The following SYNPR variants were observed in gnomAD, a reference collection of about 807,000 sequenced individuals.
SYNPR encodes synaptoporin.
SYNPR carries 23 observed loss-of-function variants against 32.9 expected under a neutral mutation model. The observed-to-expected ratio is 0.70, with a 90% CI of 0.50 to 0.99. The LOEUF (loss-of-function observed/expected upper bound fraction) is 0.99, where lower values mean the gene tolerates loss of function less well. Ranked by LOEUF, SYNPR falls within the 50% of genes least tolerant of loss-of-function variation. SYNPR has a pLI of 0.00. For missense variants in SYNPR, 318 were observed against 349.3 expected (o/e 0.91, Z 0.71); for synonymous variants, 146 against 135.9 (o/e 1.07, Z -0.52).
At chr3:63,528,501 T>C (rs1273305212) in intron 3 of SYNPR, among the ~76,000 whole-genome samples, 1 of 152,140 alleles carries the variant, frequency 6.6e-6, no homozygotes, top group African/African-American at 2.4e-5. Flanking sequence ...AATGTCACCC[T>C]GAAACTGCAA....
intron 2 of SYNPR, among the ~76,000 whole-genome samples, chr3:63,406,329 G>C (rs2088359331): frequency 6.6e-6 from 1 of 152,038 alleles, no homozygotes; most frequent in Non-Finnish European, 1.5e-5. Flanking sequence ...ATGTAAAAAA[G>C]AAGGAAGAAA....
At chr3:63,375,423 G>A (rs2087875080) in intron 2 of SYNPR, among the ~76,000 whole-genome samples, 1 of 152,086 alleles carries the variant, frequency 6.6e-6, no homozygotes, top group Non-Finnish European at 1.5e-5. Context: ...CCTTTGCAGG[G>A]ACATGGACGA....
rs1218661362 is a variant in SYNPR, at chr3:63,422,234, A to G, written c.85-58598A>G. ...GATGTAAATAAGGCAGTCTCATTTTATCAGTGTTCTTAACTACTTTCTACA... is the reference window on the plus strand; with the variant it reads ...GATGTAAATAAGGCAGTCTCATTTTGTCAGTGTTCTTAACTACTTTCTACA... On this transcript the variant is annotated intron_variant, in intron 2 of 5. Transcript: ENST00000478300. 2.6e-5 allele frequency among the ~76,000 whole-genome samples: 4 copies of G among 152,270 alleles called. 1 individual carries two copies. Among genetic ancestry groups the G allele is most frequent in the Non-Finnish European group, 5.9e-5 (4 of 68,024 alleles).
At chr3:63,226,561 G>A (rs1404739907), upstream of SYNPR, among the ~76,000 whole-genome samples, 2 of 152,096 alleles carry the variant, frequency 1.3e-5, no homozygotes, top group East Asian at 3.9e-4. Context: ...AAACATGGAT[G>A]GTATTGGAGG....
At chr3:63,349,166 G>A (rs1462897994) in intron 2 of SYNPR, among the ~76,000 whole-genome samples, 1 of 151,824 alleles carries the variant, frequency 6.6e-6, no homozygotes, top group Non-Finnish European at 1.5e-5. Context: ...GCAGTGGCAA[G>A]ATCTTGGCTC....
At chr3:63,254,413 G>A (rs902904606) in intron 2 of SYNPR, among the ~76,000 whole-genome samples, 1 of 152,100 alleles carries the variant, frequency 6.6e-6, no homozygotes, top group Admixed American at 6.5e-5. Context: ...GATCAATTTA[G>A]TAGTTGCAAC....
At chr3:63,301,428 A>C (rs2086856489) in intron 2 of SYNPR, among the ~76,000 whole-genome samples, 1 of 152,130 alleles carries the variant, frequency 6.6e-6, no homozygotes, top group Non-Finnish European at 1.5e-5. Flanking sequence ...AATTTATAAA[A>C]GACTCCATTA....
chr3:63,310,957 G>A (rs1452960236), intron 2 of SYNPR, among the ~76,000 whole-genome samples: 2 of 151,816 alleles, frequency 1.3e-5, no homozygotes, highest in Non-Finnish European at 2.9e-5. Context: ...TGTACTCTCA[G>A]TGTGTCCTGT....
At chr3:63,303,727 G>A (rs1023608960) in intron 2 of SYNPR, among the ~76,000 whole-genome samples, 1 of 151,934 alleles carries the variant, frequency 6.6e-6, no homozygotes, top group African/African-American at 2.4e-5. Context: ...TAAAATACTA[G>A]AAGAAGGCTG....
At chr3:63,298,430 T>C (rs1196411630) in intron 2 of SYNPR, among the ~76,000 whole-genome samples, 3 of 152,138 alleles carry the variant, frequency 2.0e-5, no homozygotes, top group African/African-American at 7.2e-5. Context: ...TAGGAAATGA[T>C]CCCAGGAAAT....
rs1162810253 is a variant in SYNPR, at chr3:63,574,163, G to A, written c.408+17422G>A. ...GAAAATCTGCCCTGTAATATTTGGGGAGCAAGTCCCTTTGAAGCTAGAGAG... is the reference window on the plus strand; with the variant it reads ...GAAAATCTGCCCTGTAATATTTGGGAAGCAAGTCCCTTTGAAGCTAGAGAG... On this transcript the variant is annotated intron_variant, in intron 4 of 5. Coordinates refer to ENST00000478300, the MANE Select transcript of SYNPR (RefSeq NM_001130003.2). 1.3e-5 allele frequency among the ~76,000 whole-genome samples: 2 copies of A among 152,132 alleles called. 1 individual carries two copies. Among genetic ancestry groups the A allele is most frequent in the Middle Eastern group, 6.3e-3 (2 of 316 alleles).
intron 1 of SYNPR, among the ~76,000 whole-genome samples, chr3:63,249,262 T>G (rs1239514815): frequency 6.6e-6 from 1 of 151,890 alleles, no homozygotes; most frequent in African/African-American, 2.4e-5. Context: ...GCTATCAGAG[T>G]GAAAGAAGTT....
At chr3:63,416,017 A>G (rs953649933) in intron 2 of SYNPR, among the ~76,000 whole-genome samples, 1 of 152,224 alleles carries the variant, frequency 6.6e-6, no homozygotes, top group African/African-American at 2.4e-5. Context: ...CTACTTATTC[A>G]TCAACCCACT....
intron 2 of SYNPR, among the ~76,000 whole-genome samples, chr3:63,413,624 G>A (rs1280639906): frequency 1.3e-5 from 2 of 152,190 alleles, no homozygotes; most frequent in African/African-American, 2.4e-5. Flanking sequence ...GCAGAGTACA[G>A]TTATGCTAAG....
intron 3 of SYNPR, among the ~76,000 whole-genome samples, chr3:63,545,024 G>GA (rs1702375448): frequency 9.7e-6 from 1 of 102,976 alleles, no homozygotes; most frequent in Non-Finnish European, 2.3e-5. Flanking sequence ...CTTTGATTTA[G>GA]GGGAAAAAAA....
At chr3:63,343,989 C>T (rs2087404990) in intron 2 of SYNPR, among the ~76,000 whole-genome samples, 1 of 152,212 alleles carries the variant, frequency 6.6e-6, no homozygotes, top group Non-Finnish European at 1.5e-5. Flanking sequence ...CGAGTGAAGC[C>T]TCACAGATGT....
At chr3:63,403,441 T>TACAC (rs10559096) in intron 2 of SYNPR, among the ~76,000 whole-genome samples, 55,220 of 145,782 alleles carry the variant, frequency 0.38, 10,367 homozygotes, top group Middle Eastern at 0.5. Flanking sequence ...TGTATACACA[T>TACAC]ACACACACAC....
At chr3:63,377,898 A>G (rs2087915621) in intron 2 of SYNPR, among the ~76,000 whole-genome samples, 1 of 152,038 alleles carries the variant, frequency 6.6e-6, no homozygotes, top group Non-Finnish European at 1.5e-5. Flanking sequence ...TAAACATTAA[A>G]TATTAATAGA....
chr3:63,578,493 G>A (rs935539301), intron 4 of SYNPR, among the ~76,000 whole-genome samples: 1 of 152,096 alleles, frequency 6.6e-6, no homozygotes, highest in Non-Finnish European at 1.5e-5. Context: ...ATTCTCGTGA[G>A]GGATAAGAAC....
Sources: allele counts gnomAD v4.1 joint callset (sites outside exome capture counted in the v4.1 genomes callset), GRCh38; gene constraint gnomAD v4.1.1; transcripts MANE v1.5; gene names NCBI Gene and HGNC (gene_info 2026-07-23, HGNC 2026-07-21).